The following ALKBH2 variants were observed in gnomAD, a reference collection of about 807,000 sequenced individuals.
ALKBH2 encodes alkB homolog 2, alpha-ketoglutarate dependent dioxygenase.
ALKBH2 carries 19 observed loss-of-function variants against 19.7 expected under a neutral mutation model. That is an observed-to-expected ratio of 0.97 (90% CI 0.67 to 1.42). The LOEUF is 1.42. Among genes scored for constraint, ALKBH2 ranks in the 40% most tolerant of loss-of-function variants. The probability of loss-of-function intolerance (pLI) is 0.00; values close to 1 mark genes in which losing one functional copy is unlikely to be tolerated. For missense variants in ALKBH2, 310 were observed against 328.5 expected, an observed-to-expected ratio of 0.94 and a Z score of 0.43; for synonymous variants, 135 against 131.2, an observed-to-expected ratio of 1.03 and a Z score of -0.20.
chr12:109,092,939 T>C lies in ALKBH2; in HGVS notation c.-151-2A>G, dbSNP rs925133084. The C allele has an allele frequency of 2.1e-6, 3 of 1,439,052 alleles. No homozygotes were observed. Among genetic ancestry groups the C allele is most frequent in the Non-Finnish European group, 2.7e-6 (3 of 1,102,350 alleles). 89.1% of individuals were successfully genotyped at this position (1,439,052 alleles called of 1,614,324 possible). On this transcript the variant is annotated splice_acceptor_variant, in intron 1 of 3. Transcript: ENST00000429722. LOFTEE classifies it low-confidence loss of function (5UTR_SPLICE). ...CATTTTAAAGTTTAAAACCATGTCC[T>C]AGAAAGGAAACAGAAGATGTTAAAG...
At chr12:109,091,486 T>A (rs2042059764) in intron 2 of ALKBH2, among the ~76,000 whole-genome samples, 1 of 152,036 alleles carries the variant, frequency 6.6e-6, no homozygotes, top group Non-Finnish European at 1.5e-5. Context: ...GCCTCCAGAG[T>A]AGCTGGGATT....
In ALKBH2 at chr12:109,088,413, T is replaced by G. The variant is rs2042002210; in HGVS notation, c.579A>C (p.Arg193Ser). 2 of 1,613,564 alleles carry G rather than the reference T, an allele frequency of 1.2e-6. No individual in the cohort carries two copies. The highest frequency in any genetic ancestry group is 1.7e-6 in the Non-Finnish European group (2 of 1,179,972). ...PIASVSFGACRDFVFRHKDSR... is the reference protein window; with the variant it reads ...PIASVSFGACSDFVFRHKDSR... The stretch of plus-strand genomic sequence containing the variant: ...AATCCTTATGCCGGAAGACAAAGTC[T>G]CTGCAGGCACCGAAGGAGACAGAGG... The change falls in exon 4 of 4, where the codon AGA (arginine) becomes AGC (serine). Residue 193 changes from arginine (R) to serine (S), a missense_variant. Transcript: ENST00000429722. This position sits in a 1 kb window ranked among gnomAD's most constrained non-coding sequence, Gnocchi z 4.2.
rs777849171 is a variant in ALKBH2, at chr12:109,092,672, T to C, written c.115A>G (p.Lys39Glu). The C allele has an allele frequency of 6.2e-6, 10 of 1,614,070 alleles. No homozygotes were observed. Among genetic ancestry groups the C allele is most frequent in the Admixed American group, 5.0e-5 (3 of 59,994 alleles). The change falls in exon 2 of 4, where the codon AAG becomes GAG. Residue 39 changes from lysine (K) to glutamate (E), a missense_variant. Coordinates refer to ENST00000429722, the MANE Select transcript of ALKBH2 (RefSeq NM_001145374.2). ...VLGGDKESTR[K>E]RPRREAPGNG... Reference sequence around the variant, plus strand: ...CCTGGGGCCTCTCTCCTGGGCCTCTTCCTTGTGCTTTCTTTGTCTCCTCCC... The same window carrying C: ...CCTGGGGCCTCTCTCCTGGGCCTCTCCCTTGTGCTTTCTTTGTCTCCTCCC...
rs2042005527 is a variant in ALKBH2 at position 109,088,523 on chromosome 12, AAAAC to A, written c.480-15_480-12del. 3 of 1,574,714 alleles carry A rather than the reference AAAAC, an allele frequency of 1.9e-6. No homozygotes were observed. Among genetic ancestry groups the A allele is most frequent in the Non-Finnish European group, 2.6e-6 (3 of 1,157,368 alleles). On this transcript the variant is annotated splice_polypyrimidine_tract_variant and intron_variant, in intron 3 of 3. Transcript: ENST00000429722. The surrounding 1 kb of genome is among the most constrained non-coding windows in gnomAD (Gnocchi z 4.2). ...CAGCCATCTTTATACCTGCAATGAGAAAACAAACACAGTGCATAAAAACAACCCT... is the reference window on the plus strand; with the variant it reads ...CAGCCATCTTTATACCTGCAATGAGAAAACACAGTGCATAAAAACAACCCT...
Position 109,090,191 on chromosome 12 carries a change from G to A in ALKBH2, c.297C>T (p.Val99=), listed in dbSNP as rs1488202321. The A allele has an allele frequency of 2.5e-6, 4 of 1,613,562 alleles. No individual in the cohort carries two copies. Among genetic ancestry groups the A allele is most frequent in the Non-Finnish European group, 2.5e-6 (3 of 1,180,010 alleles). ...CACTGTGCCACTTCCCGAATACCTG[G>A]ACTCTGGCCAGTGCTCCTGTGCAGA... The part of the protein sequence containing the change: ...VEYFTGALAR[V]QVFGKWHSVP... The change falls in exon 3 of 4, where the codon GTC becomes GTT. Residue 99 remains valine, a synonymous_variant. Coordinates refer to ENST00000429722, the MANE Select transcript of ALKBH2 (RefSeq NM_001145374.2).
rs1045001398 is a variant in ALKBH2, at chr12:109,090,073, CT to C, written c.414del (p.Glu139SerfsTer10). On this transcript the variant is annotated frameshift_variant, in exon 3 of 4. Coordinates refer to ENST00000429722, the MANE Select transcript of ALKBH2 (RefSeq NM_001145374.2). LOFTEE classifies it high-confidence loss of function. ...TLSPKPWIPV[L>X]ERIRDHVSGV... ...CCAGAGACGTGATCCCGGATGCGCT[CT>C]AGAACTGGGATCCAGGGCTTTGGAG... 3.1e-6 allele frequency: 5 copies of C among 1,614,070 alleles called. No homozygotes were observed. Among genetic ancestry groups the C allele is most frequent in the African/African-American group, 1.3e-5 (1 of 74,932 alleles).
At position 109,088,534 on chromosome 12, in the gene ALKBH2, A is replaced by G; in HGVS notation, c.480-22T>C. 1 of 1,560,722 alleles carries G rather than the reference A, an allele frequency of 6.4e-7. No homozygotes were observed. The highest frequency in any genetic ancestry group is 8.7e-7 in the Non-Finnish European group (1 of 1,150,730). ...ATACCTGCAATGAGAAAACAAACAC[A>G]GTGCATAAAAACAACCCTCTCCTGA... On this transcript the variant is annotated intron_variant, in intron 3 of 3. Coordinates refer to ENST00000429722, the MANE Select transcript of ALKBH2 (RefSeq NM_001145374.2). The surrounding 1 kb of genome is among the most constrained non-coding windows in gnomAD (Gnocchi z 4.2).
chr12:109,093,146 A>C, intron 1 of ALKBH2, 101 bp downstream of exon 1: 1 of 210,882 alleles, frequency 4.7e-6, no homozygotes, highest in South Asian at 1.0e-4. Flanking sequence ...TACAATCCAA[A>C]CCCTCATTTT....
chr12:109,091,704 A>C (rs1292423411), intron 2 of ALKBH2, among the ~76,000 whole-genome samples: 1 of 106,362 alleles, frequency 9.4e-6, no homozygotes, highest in East Asian at 6.4e-4. Context: ...CGCACAGCTC[A>C]TTTTTTGTTG....
chr12:109,091,618 AC>A (rs2042061586), intron 2 of ALKBH2, among the ~76,000 whole-genome samples: 1 of 151,860 alleles, frequency 6.6e-6, no homozygotes, highest in African/African-American at 2.4e-5. Context: ...GCTCACTGCA[AC>A]CTCTGCCTCC....
chr12:109,088,365 C>G lies in ALKBH2; in HGVS notation c.627G>C (p.Arg209Ser), dbSNP rs763101057. ...GCGGCAGCCTGACCACCGCCACCCT[C>G]CTGGAGGGGCTTTTCCCACGGGAAT... is the stretch of plus-strand genomic sequence containing the variant. ...HKDSRGKSPS[R>S]RVAVVRLPLA... The change falls in exon 4 of 4, where the codon AGG becomes AGC. Residue 209 changes from arginine (R) to serine (S), a missense_variant. Transcript: ENST00000429722. This position sits in a 1 kb window ranked among gnomAD's most constrained non-coding sequence, Gnocchi z 4.2. 1.2e-6 allele frequency: 2 copies of G among 1,613,978 alleles called. No individual in the cohort carries two copies.
rs749294997 is a variant in ALKBH2 at position 109,092,564 on chromosome 12, TG to T, written c.222del (p.Ala76LeufsTer14). On this transcript the variant is annotated frameshift_variant, in exon 2 of 4. Coordinates refer to ENST00000429722, the MANE Select transcript of ALKBH2 (RefSeq NM_001145374.2). LOFTEE classifies it high-confidence loss of function. ...GLDCSYTVLFGKAEADEIFQE... is the reference protein window; with the variant it reads ...GLDCSYTVLFXKAEADEIFQE... ...TGGAAAATCTCATCTGCCTCAGCTTTGCCAAACAGGACTGTGTAACTGCAGT... is the reference window on the plus strand; with the variant it reads ...TGGAAAATCTCATCTGCCTCAGCTTTCCAAACAGGACTGTGTAACTGCAGT... 1 of 1,606,550 alleles carries T rather than the reference TG, an allele frequency of 6.2e-7. No homozygotes were observed. Among genetic ancestry groups the T allele is most frequent in the Non-Finnish European group, 8.5e-7 (1 of 1,176,184 alleles).
At chr12:109,089,928 C>G in intron 3 of ALKBH2, 81 bp downstream of exon 3, 1 of 1,498,974 alleles carries the variant, frequency 6.7e-7, no homozygotes, top group Non-Finnish European at 9.2e-7. Flanking sequence ...ACCAATGAAC[C>G]AAATAGGGTG....
At chr12:109,091,376 A>T (rs1365952828) in intron 2 of ALKBH2, among the ~76,000 whole-genome samples, 1 of 152,068 alleles carries the variant, frequency 6.6e-6, no homozygotes, top group Non-Finnish European at 1.5e-5. Context: ...ACAGAGCGAG[A>T]CCCTGTCTCA....
rs2042035887 is a variant in ALKBH2 at position 109,089,976 on chromosome 12, T to C, written c.479+33A>G. 3.1e-6 allele frequency: 5 copies of C among 1,611,128 alleles called. No individual in the cohort carries two copies. The East Asian group carries it at 1.1e-4, about 36-fold the overall frequency. On this transcript the variant is annotated intron_variant, in intron 3 of 3. Coordinates refer to ENST00000429722, the MANE Select transcript of ALKBH2 (RefSeq NM_001145374.2). ...CTTCCTTTTGGAGGAGACAGAAGAC[T>C]TGTAACATTGAGTCCACTAAACAGG... is the stretch of plus-strand genomic sequence containing the variant.
At chr12:109,089,819 C>T in intron 3 of ALKBH2, 190 bp downstream of exon 3, 1 of 606,286 alleles carries the variant, frequency 1.6e-6, no homozygotes, top group Non-Finnish European at 2.9e-6. Flanking sequence ...AGTTAATCAC[C>T]TCTCACTTCC....
rs1163710234 is a variant in ALKBH2, at chr12:109,092,852, C to G, written c.-66G>C. The G allele has an allele frequency of 5.2e-6, 8 of 1,529,442 alleles. No individual in the cohort carries two copies. Among genetic ancestry groups the G allele is most frequent in the Non-Finnish European group, 7.0e-6 (8 of 1,142,284 alleles). 94.7% of individuals were successfully genotyped at this position (1,529,442 alleles called of 1,614,324 possible). On this transcript the variant is annotated 5_prime_UTR_variant, in exon 2 of 4. Coordinates refer to ENST00000429722, the MANE Select transcript of ALKBH2 (RefSeq NM_001145374.2). Reference sequence around the variant, plus strand: ...AAGACAGAAATTGCTCAAGTTCTATCCCCAGTGCAAAAATCTGTTTGTCCA... The same window carrying G: ...AAGACAGAAATTGCTCAAGTTCTATGCCCAGTGCAAAAATCTGTTTGTCCA...
intron 2 of ALKBH2, 59 bp from the exon 3 acceptor site, chr12:109,090,266 G>GCC: frequency 2.6e-6 from 4 of 1,515,050 alleles, no homozygotes; most frequent in South Asian, 1.1e-5. Context: ...AAATCCAGAT[G>GCC]CCCCCCCCAA....
intron 2 of ALKBH2, 67 bp from the exon 3 acceptor site, chr12:109,090,274 C>A (rs1264029616): frequency 1.2e-5 from 17 of 1,439,004 alleles, no homozygotes; most frequent in Middle Eastern, 2.3e-4. Context: ...ATGCCCCCCC[C>A]AACCCGCACT....
Sources: allele counts gnomAD v4.1 joint callset (sites outside exome capture counted in the v4.1 genomes callset), GRCh38; gene constraint gnomAD v4.1.1; non-coding constraint Gnocchi (gnomAD v3.1); transcripts MANE v1.5; gene names NCBI Gene and HGNC (gene_info 2026-07-23, HGNC 2026-07-21).